The following KCNN2 variants were observed in gnomAD, a reference collection of about 807,000 sequenced individuals.
The protein encoded by KCNN2 is potassium calcium-activated channel subfamily N member 2.
In KCNN2, 24 loss-of-function variants were observed where a neutral mutation model predicts 55.5. That is an observed-to-expected ratio of 0.43 (90% CI 0.31 to 0.61). The LOEUF (loss-of-function observed/expected upper bound fraction) is 0.61, where lower values mean the gene tolerates loss of function less well. Among genes scored for constraint, KCNN2 ranks in the 20% least tolerant of loss-of-function variants. The pLI is 0.08. For synonymous variants in KCNN2, 431 were observed against 336.1 expected, an observed-to-expected ratio of 1.28 and a Z score of -3.09; for missense variants, 754 against 853.6, an observed-to-expected ratio of 0.88 and a Z score of 1.45.
chr5:114,345,908 G>A (rs1357227578), intron 2 of KCNN2, among the ~76,000 whole-genome samples: 1 of 152,194 alleles, frequency 6.6e-6, no homozygotes, highest in East Asian at 1.9e-4. Flanking sequence ...GGCATCCCGA[G>A]TAGCTGAGAC....
At chr5:114,077,050 G>T (rs557279505) in intron 1 of KCNN2, among the ~76,000 whole-genome samples, 1 of 144,554 alleles carries the variant, frequency 6.9e-6, no homozygotes, top group African/African-American at 2.9e-5. Context: ...ATTACCCTTA[G>T]AAAATAATTT....
intron 1 of KCNN2, among the ~76,000 whole-genome samples, chr5:114,113,557 A>T (rs1429775964): frequency 6.6e-6 from 1 of 152,112 alleles, no homozygotes. Flanking sequence ...TTCTTAACAC[A>T]GGGGCCTTCC....
At chr5:114,303,863 A>G (rs1424313650) in intron 2 of KCNN2, among the ~76,000 whole-genome samples, 1 of 152,194 alleles carries the variant, frequency 6.6e-6, no homozygotes, top group African/African-American at 2.4e-5. Flanking sequence ...GAGTAGATTC[A>G]GAAGGAAGGA....
At chr5:114,214,627 G>GT (rs1490403252) in intron 1 of KCNN2, among the ~76,000 whole-genome samples, 8 of 151,940 alleles carry the variant, frequency 5.3e-5, no homozygotes, top group Non-Finnish European at 1.0e-4. Context: ...AATTCCTGAG[G>GT]TTTTTTCCTG....
At chr5:114,488,359 C>G (rs190387198) in intron 6 of KCNN2, among the ~76,000 whole-genome samples, 2 of 152,276 alleles carry the variant, frequency 1.3e-5, no homozygotes, top group Admixed American at 1.3e-4. Context: ...GATAGTGATG[C>G]TATTTCCTCT....
intron 3 of KCNN2, among the ~76,000 whole-genome samples, chr5:114,412,345 A>G (rs948197703): frequency 6.6e-6 from 1 of 152,194 alleles, no homozygotes; most frequent in Admixed American, 6.5e-5. Flanking sequence ...TAATAACTTA[A>G]TCTGTTCCTC....
Position 114,496,493 on chromosome 5 carries a change from T to A in KCNN2, c.*311T>A, listed in dbSNP as rs1748131106. On this transcript the variant is annotated 3_prime_UTR_variant, in exon 8 of 8. Coordinates refer to ENST00000673685, the MANE Select transcript of KCNN2 (RefSeq NM_021614.4). ...ATATATAATAAAAAAAGTTAATTTC[T>A]GCACATACTCGTTTGGTCACTTGAC... 4.8e-6 allele frequency: 1 copy of A among 209,832 alleles called. No individual in the cohort carries two copies. Among genetic ancestry groups the A allele is most frequent in the African/African-American group, 2.3e-5 (1 of 43,498 alleles). The allele number at this position is 209,832 out of a possible 1,614,324, so 13.0% of individuals were successfully genotyped here.
In KCNN2 at chr5:114,363,102, C is replaced by T. The variant is rs763409520; in HGVS notation, c.963C>T (p.Ser321=). ...SGHGSSSGTK[S]SKKKNQNIGY... is the part of the protein sequence containing the mutation. Reference sequence around the variant, plus strand: ...ACGGCAGCAGCAGTGGCACCAAGTCCAGCAAAAAGAAAAACCAGAACATCG... The same window carrying T: ...ACGGCAGCAGCAGTGGCACCAAGTCTAGCAAAAAGAAAAACCAGAACATCG... Residue 321 remains serine (S), a synonymous_variant, in exon 1 of 8, where the codon TCC becomes TCT. Coordinates refer to ENST00000673685, the MANE Select transcript of KCNN2 (RefSeq NM_021614.4). The T allele has an allele frequency of 1.2e-6, 2 of 1,612,956 alleles. No homozygotes were observed. The highest frequency in any genetic ancestry group is 3.3e-5 in the Admixed American group (2 of 60,028).
chr5:114,211,378 C>G (rs1753881754), intron 1 of KCNN2, among the ~76,000 whole-genome samples: 1 of 152,054 alleles, frequency 6.6e-6, no homozygotes, highest in African/African-American at 2.4e-5. Context: ...CGCTATGCAG[C>G]CATAAAAAAG....
chr5:114,391,242 G>A (rs1050352120), intron 2 of KCNN2, among the ~76,000 whole-genome samples: 2 of 151,760 alleles, frequency 1.3e-5, no homozygotes, highest in African/African-American at 4.8e-5. Context: ...TCTTTATATC[G>A]CAAGTTATTA....
At chr5:114,448,037 G>C (rs1760491528) in intron 3 of KCNN2, among the ~76,000 whole-genome samples, 2 of 152,158 alleles carry the variant, frequency 1.3e-5, no homozygotes, top group African/African-American at 4.8e-5. Flanking sequence ...GGCTTTTTAA[G>C]TAATTAGTAG....
At chr5:114,374,917 A>G (rs906359504) in intron 2 of KCNN2, among the ~76,000 whole-genome samples, 1 of 152,238 alleles carries the variant, frequency 6.6e-6, no homozygotes, top group Admixed American at 6.5e-5. Flanking sequence ...AGGTAGTTTG[A>G]CCACTGTGAC....
intron 1 of KCNN2, among the ~76,000 whole-genome samples, chr5:114,079,691 C>T (rs1344942619): frequency 6.6e-6 from 1 of 152,034 alleles, no homozygotes; most frequent in Non-Finnish European, 1.5e-5. Flanking sequence ...GTGTCTGGCA[C>T]ATAGTAGGCA....
At chr5:114,147,576 A>G (rs1199924456) in intron 1 of KCNN2, among the ~76,000 whole-genome samples, 1 of 152,172 alleles carries the variant, frequency 6.6e-6, no homozygotes, top group Non-Finnish European at 1.5e-5. Flanking sequence ...TTGGGTCAAT[A>G]TGAGAGACTT....
intron 2 of KCNN2, among the ~76,000 whole-genome samples, chr5:114,335,824 C>T (rs910045569): frequency 2.0e-5 from 3 of 152,010 alleles, no homozygotes; most frequent in African/African-American, 7.3e-5. Context: ...TCACACGGAG[C>T]CCTAAGAAGC....
intron 1 of KCNN2, among the ~76,000 whole-genome samples, chr5:114,075,636 C>T (rs987539093): frequency 2.0e-5 from 3 of 152,218 alleles, no homozygotes; most frequent in Non-Finnish European, 4.4e-5. Flanking sequence ...TGTATACTCA[C>T]AACTGGCCAT....
intron 1 of KCNN2, among the ~76,000 whole-genome samples, chr5:114,129,364 T>C (rs1752002717): frequency 6.6e-6 from 1 of 152,206 alleles, no homozygotes; most frequent in South Asian, 2.1e-4. Context: ...TCTGCTACCT[T>C]ATCAGGATTG....
At chr5:114,147,790 G>A (rs1752429264) in intron 1 of KCNN2, among the ~76,000 whole-genome samples, 1 of 152,154 alleles carries the variant, frequency 6.6e-6, no homozygotes, top group Non-Finnish European at 1.5e-5. Flanking sequence ...TAAATTGTCA[G>A]TATGAAGTTG....
At chr5:114,247,814 GT>G (rs901876887) in intron 2 of KCNN2, among the ~76,000 whole-genome samples, 40 of 150,480 alleles carry the variant, frequency 2.7e-4, no homozygotes, top group Admixed American at 9.3e-4. Context: ...TGACATAGTA[GT>G]TTTTTTTTTC....
Sources: gnomAD v4.1 joint callset for allele counts (sites outside exome capture counted in the v4.1 genomes callset) on GRCh38, gnomAD v4.1.1 for gene constraint, MANE v1.5 for transcripts, NCBI Gene and HGNC (gene_info 2026-07-23, HGNC 2026-07-21) for gene names.